Variants in SPON2 observed in about 807,000 individuals in gnomAD.
SPON2 encodes spondin 2, also known as spondin-2.
In SPON2, 32 loss-of-function variants were observed where a neutral mutation model predicts 29.9. That is an observed-to-expected ratio of 1.07 (90% CI 0.81 to 1.44). The LOEUF (loss-of-function observed/expected upper bound fraction) is 1.44. SPON2 is among the 40% of genes most tolerant of loss of function. The pLI, the probability that SPON2 is intolerant of heterozygous loss-of-function variation, is 0.00. For synonymous variants in SPON2, 248 were observed against 209.1 expected, an observed-to-expected ratio of 1.19 and a Z score of -1.61; for missense variants, 541 against 455.5, an observed-to-expected ratio of 1.19 and a Z score of -1.71.
At chr4:1,188,285 G>A (rs1239995545) in intron 1 of SPON2, among the ~76,000 whole-genome samples, 1 of 151,382 alleles carries the variant, frequency 6.6e-6, no homozygotes, top group African/African-American at 2.4e-5. Context: ...ACCAAAGAAG[G>A]CCATATGGAA....
upstream of SPON2, among the ~76,000 whole-genome samples, chr4:1,197,396 C>T (rs894495701): frequency 1.3e-5 from 2 of 152,136 alleles, no homozygotes; most frequent in Admixed American, 1.3e-4. Context: ...AACTTAGAAA[C>T]CAACACACTC....
chr4:1,198,627 G>A (rs961209548), upstream of SPON2, among the ~76,000 whole-genome samples: 11 of 151,890 alleles, frequency 7.2e-5, no homozygotes, highest in Non-Finnish European at 1.2e-4. Context: ...CAGCGTCGGC[G>A]GATTCTACAC....
rs888788396 is a variant in SPON2 at position 1,202,334 on chromosome 4, C to T, written c.-234+5546G>A. Among the ~76,000 whole-genome samples the T allele has an allele frequency of 1.3e-4, 20 of 152,222 alleles. No individual in the cohort carries two copies. Among genetic ancestry groups the T allele is most frequent in the African/African-American group, 4.6e-4 (19 of 41,442 alleles). On this transcript the variant is annotated intron_variant, in intron 1 of 3. Transcript: ENST00000509233. The surrounding 1 kb of genome is among the most constrained non-coding windows in gnomAD (Gnocchi z 5.4). ...TGGATCAAACACCTCCCATCAGTCC[C>T]CACCTCCCGGCACTCCACGGGGTCT...
At chr4:1,174,506 A>AC (rs1299408003), upstream of SPON2, among the ~76,000 whole-genome samples, 32 of 150,146 alleles carry the variant, frequency 2.1e-4, no homozygotes, top group African/African-American at 7.3e-4. Context: ...AAAAAAACAA[A>AC]AAAACAAAAA....
At chr4:1,194,728 G>C (rs1728003906) in intron 1 of SPON2, among the ~76,000 whole-genome samples, 1 of 152,134 alleles carries the variant, frequency 6.6e-6, no homozygotes, top group Non-Finnish European at 1.5e-5. Flanking sequence ...CCGGGCGCGG[G>C]GGGAATGTGG....
chr4:1,185,838 G>A (rs1727782653), intron 1 of SPON2, among the ~76,000 whole-genome samples: 1 of 151,956 alleles, frequency 6.6e-6, no homozygotes, highest in African/African-American at 2.4e-5. Context: ...AGACAAAGCT[G>A]TACAACTTCA....
intron 4 of SPON2, 195 bp from the exon 5 acceptor site, chr4:1,170,771 T>G: frequency 1.1e-6 from 1 of 943,640 alleles, no homozygotes; most frequent in Non-Finnish European, 1.7e-6. Context: ...GGCAGCCTCC[T>G]CGGGACGCGC....
At chr4:1,207,309 CCAGTGTCCA>C (rs1191623031) in intron 1 of SPON2, among the ~76,000 whole-genome samples, 1 of 152,138 alleles carries the variant, frequency 6.6e-6, no homozygotes, top group African/African-American at 2.4e-5. Context: ...CTCCGTCCCA[CCAGTGTCCA>C]CAGCCCTGGC....
intron 5 of SPON2, chr4:1,169,970 G>A (rs1451553334): frequency 5.5e-6 from 1 of 182,876 alleles, no homozygotes; most frequent in Admixed American, 6.3e-5. Flanking sequence ...CCCAGGCCAA[G>A]GCGCCTGTGA....
chr4:1,207,864 G>A (rs1218882577), intron 1 of SPON2: 1 of 153,678 alleles, frequency 6.5e-6, no homozygotes, highest in Non-Finnish European at 1.4e-5. Flanking sequence ...GCTTGGGGAA[G>A]CGGAGGTAGA....
intron 5 of SPON2, chr4:1,170,129 A>G (rs1727375532): frequency 1.0e-5 from 4 of 401,766 alleles, no homozygotes; most frequent in African/African-American, 6.4e-5. Flanking sequence ...CGTGTCTGAC[A>G]GGACAGAGTC....
chr4:1,200,958 G>A, intron 1 of SPON2: 1 of 456,764 alleles, frequency 2.2e-6, no homozygotes, highest in Middle Eastern at 3.3e-4. Flanking sequence ...TGTTGCAGCA[G>A]ACCTGTACGC....
At chr4:1,178,463 G>A (rs781074494) in intron 2 of SPON2, among the ~76,000 whole-genome samples, 4 of 151,674 alleles carry the variant, frequency 2.6e-5, no homozygotes, top group Non-Finnish European at 1.5e-5. Flanking sequence ...GGCTCTTCCC[G>A]CCCCACTCTC....
chr4:1,170,485 C>G lies in SPON2; in HGVS notation c.728G>C (p.Arg243Pro), dbSNP rs747416070. ...GAAGGCCCTGGGGCTCTGTCGCAGC[C>G]GCACCAGTGTCACCCTGGCGATGGG... Reference protein sequence around the residue: ...LPPIARVTLVRLRQSPRAFIP... With the variant: ...LPPIARVTLVPLRQSPRAFIP... The change falls in exon 5 of 6, where the codon CGG becomes CCG. Residue 243 changes from arginine to proline, a missense_variant. By Grantham distance (103) the Arg-to-Pro change is moderately radical. Coordinates refer to ENST00000290902, the MANE Select transcript of SPON2 (RefSeq NM_012445.4). 12 of 1,614,020 alleles carry G rather than the reference C, an allele frequency of 7.4e-6. No individual in the cohort carries two copies. In the Admixed American group the frequency reaches 1.2e-4, roughly 16 times the overall value.
chr4:1,172,916 C>CCT (rs1727511770), upstream of SPON2: 1 of 115,396 alleles, frequency 8.7e-6, no homozygotes. Context: ...CCCCTCCTCC[C>CCT]CTCCCCTCCT....
intron 1 of SPON2, among the ~76,000 whole-genome samples, chr4:1,186,137 A>C (rs371191900): frequency 6.0e-5 from 9 of 148,956 alleles, no homozygotes; most frequent in African/African-American, 1.5e-4. Flanking sequence ...CCAGCTACTC[A>C]GGAGGCTGAG....
At position 1,170,571 on chromosome 4, in the gene SPON2, C is replaced by T. The variant is rs774339710; in HGVS notation, c.642G>A (p.Thr214=). The T allele has an allele frequency of 2.8e-5, 45 of 1,609,044 alleles. No homozygotes were observed. Among genetic ancestry groups the T allele is most frequent in the South Asian group, 1.3e-4 (12 of 90,936 alleles). ...TIPQDTVTEI[T]SSSPSHPANS... ...TGGCCGGGTGGCTGGGAGAGGAGGA[C>T]GTTATCTGGGGAGGAAGAAGAGGAG... Residue 214 remains threonine, a synonymous_variant, in exon 5 of 6, where the codon ACG becomes ACA. Transcript: ENST00000290902.
intron 1 of SPON2, chr4:1,200,527 C>T: frequency 3.2e-6 from 1 of 311,046 alleles, no homozygotes; most frequent in Admixed American, 4.5e-5. Context: ...CTTCTGCCTC[C>T]AGGATGTTAT....
At chr4:1,171,534 T>C (rs1027437664) in intron 2 of SPON2, 48 bp from the exon 3 acceptor site, 19 of 1,578,000 alleles carry the variant, frequency 1.2e-5, no homozygotes, top group Non-Finnish European at 1.6e-5. Flanking sequence ...GACACTGCGG[T>C]CGGGCTTGGA....
Sources: allele counts gnomAD v4.1 joint callset (sites outside exome capture counted in the v4.1 genomes callset), GRCh38; gene constraint gnomAD v4.1.1; non-coding constraint Gnocchi (gnomAD v3.1); transcripts MANE v1.5; gene names NCBI Gene and HGNC (gene_info 2026-07-23, HGNC 2026-07-21).